Variants in PRPSAP2 observed in about 807,000 individuals in gnomAD.
PRPSAP2 encodes the protein phosphoribosyl pyrophosphate synthase-associated protein 2.
In PRPSAP2, 24 loss-of-function variants were observed where a neutral mutation model predicts 40.6. The observed-to-expected ratio is 0.59, with a 90% CI of 0.43 to 0.83. The LOEUF (loss-of-function observed/expected upper bound fraction) is 0.83, where lower values mean the gene tolerates loss of function less well. Ranked by LOEUF, PRPSAP2 falls within the 40% of genes least tolerant of loss-of-function variation. The pLI is 0.00. For missense variants in PRPSAP2, 292 were observed against 465.6 expected, an observed-to-expected ratio of 0.63 and a Z score of 3.43; for synonymous variants, 149 against 164.7, an observed-to-expected ratio of 0.90 and a Z score of 0.73.
intron 8 of PRPSAP2, among the ~76,000 whole-genome samples, chr17:18,899,560 C>T (rs892951070): frequency 8.8e-5 from 11 of 124,698 alleles, no homozygotes; most frequent in African/African-American, 1.8e-4. Flanking sequence ...CAGGGTCTCA[C>T]CTCTGTTGCC....
intron 8 of PRPSAP2, chr17:18,908,370 C>G: frequency 1.3e-6 from 1 of 772,122 alleles, no homozygotes. Flanking sequence ...GTTTCTCTTC[C>G]TGAGCAAGAA....
chr17:18,910,351 G>A (rs528314797), intron 8 of PRPSAP2, among the ~76,000 whole-genome samples: 1 of 152,264 alleles, frequency 6.6e-6, no homozygotes, highest in South Asian at 2.1e-4. Flanking sequence ...GAACCCGGGA[G>A]GCAGAGGTTG....
chr17:18,862,247 C>T (rs2151874988), intron 1 of PRPSAP2, among the ~76,000 whole-genome samples: 1 of 152,260 alleles, frequency 6.6e-6, no homozygotes, highest in Admixed American at 6.5e-5. Flanking sequence ...GGGCATCAGA[C>T]CCTGGGGCTG....
chr17:18,892,722 TGTGTG>T (rs1567709031), intron 8 of PRPSAP2, among the ~76,000 whole-genome samples: 4 of 99,732 alleles, frequency 4.0e-5, no homozygotes, highest in African/African-American at 1.2e-4. Context: ...TGTGTGTGTG[TGTGTG>T]TATTTATTTA....
intron 8 of PRPSAP2, among the ~76,000 whole-genome samples, chr17:18,892,745 A>ATTTTATTTTTTT (rs2039648930): frequency 8.0e-6 from 1 of 125,706 alleles, no homozygotes; most frequent in Non-Finnish European, 1.7e-5. Context: ...TTATTTATTT[A>ATTTTATTTTTTT]TTTTTTTGAG....
At chr17:18,873,079 C>T (rs950972074) in intron 5 of PRPSAP2, among the ~76,000 whole-genome samples, 5 of 151,758 alleles carry the variant, frequency 3.3e-5, no homozygotes, top group Non-Finnish European at 7.4e-5. Context: ...TGACCTCACG[C>T]AATCTGCCCG....
intron 9 of PRPSAP2, among the ~76,000 whole-genome samples, chr17:18,913,882 T>C (rs1427056909): frequency 1.3e-5 from 2 of 151,350 alleles, no homozygotes; most frequent in Non-Finnish European, 2.9e-5. Context: ...CCTTATCAAA[T>C]GTTTGCTTGG....
intron 7 of PRPSAP2, among the ~76,000 whole-genome samples, chr17:18,885,663 C>T (rs2039086070): frequency 6.6e-6 from 1 of 152,036 alleles, no homozygotes. Flanking sequence ...TCTCGGCTCA[C>T]AGCAACCTCC....
intron 8 of PRPSAP2, among the ~76,000 whole-genome samples, chr17:18,909,921 C>T (rs1242648005): frequency 1.3e-5 from 2 of 152,082 alleles, no homozygotes; most frequent in Non-Finnish European, 2.9e-5. Context: ...GGAAAGAAAG[C>T]ATGTGCCCAT....
At chr17:18,861,338 CCT>C (rs2036997235) in intron 1 of PRPSAP2, 1 of 152,200 alleles carries the variant, frequency 6.6e-6, no homozygotes, top group African/African-American at 2.4e-5. Flanking sequence ...GTGGCGCATG[CCT>C]GTAATCCCAG....
chr17:18,928,764 A>G (rs2042103715), intron 10 of PRPSAP2, 47 bp from the exon 11 acceptor site: 1 of 1,607,086 alleles, frequency 6.2e-7, no homozygotes, highest in Non-Finnish European at 8.5e-7. Context: ...CTAACCTATT[A>G]TTGTAGAAGT....
At chr17:18,916,688 G>C (rs1176841699) in intron 9 of PRPSAP2, among the ~76,000 whole-genome samples, 2 of 152,112 alleles carry the variant, frequency 1.3e-5, no homozygotes, top group Non-Finnish European at 2.9e-5. Flanking sequence ...GGCCAGACTG[G>C]GTAATTTATA....
At chr17:18,915,014 C>T (rs1421118089) in intron 9 of PRPSAP2, among the ~76,000 whole-genome samples, 6 of 147,928 alleles carry the variant, frequency 4.1e-5, no homozygotes, top group Non-Finnish European at 5.9e-5. Flanking sequence ...ACATGAACCA[C>T]TGCACCCGAC....
intron 3 of PRPSAP2, 175 bp from the exon 4 acceptor site, chr17:18,867,107 G>A (rs901106257): frequency 3.1e-6 from 2 of 645,210 alleles, no homozygotes; most frequent in African/African-American, 3.7e-5. Flanking sequence ...ACATGGGGTT[G>A]GGGTGAGGGG....
rs553128334 is a variant in PRPSAP2 at position 18,859,104 on chromosome 17, C to T, written c.-129+843C>T. On this transcript the variant is annotated intron_variant, in intron 1 of 11. Coordinates refer to ENST00000268835, the MANE Select transcript of PRPSAP2 (RefSeq NM_002767.4). ...TTTACTTAATTACTTTATTATGGAA[C>T]CTTTACACAGGTCTGGTGTACTTGT... is the stretch of plus-strand genomic sequence containing the variant. Among the ~76,000 whole-genome samples the T allele has an allele frequency of 2.0e-5, 3 of 152,092 alleles. No homozygotes were observed. The East Asian group carries it at 5.8e-4, about 29-fold the overall frequency.
chr17:18,873,191 CTT>C (rs34126027), intron 5 of PRPSAP2, among the ~76,000 whole-genome samples: 10 of 108,156 alleles, frequency 9.2e-5, no homozygotes, highest in East Asian at 2.7e-4. Flanking sequence ...AGTAGAGGCT[CTT>C]TTTTTTTTTT....
chr17:18,913,904 G>A (rs961879855), intron 9 of PRPSAP2, among the ~76,000 whole-genome samples: 2 of 151,532 alleles, frequency 1.3e-5, no homozygotes, highest in Admixed American at 6.6e-5. Flanking sequence ...GGCTGGGCGC[G>A]GCGGCTCACA....
chr17:18,892,741 A>ATTTTTTTTT (rs1252254393), intron 8 of PRPSAP2, among the ~76,000 whole-genome samples: 68 of 69,666 alleles, frequency 9.8e-4, no homozygotes, highest in African/African-American at 2.2e-3. Flanking sequence ...TTATTTATTT[A>ATTTTTTTTT]TTTATTTTTT....
intron 8 of PRPSAP2, among the ~76,000 whole-genome samples, chr17:18,895,185 TG>T (rs1427646209): frequency 6.6e-6 from 1 of 151,604 alleles, no homozygotes; most frequent in Non-Finnish European, 1.5e-5. Context: ...TTTGGGCTCA[TG>T]GCAATCCTTT....
Sources: gnomAD v4.1 joint callset for allele counts (sites outside exome capture counted in the v4.1 genomes callset) on GRCh38, gnomAD v4.1.1 for gene constraint, MANE v1.5 for transcripts, NCBI Gene and HGNC (gene_info 2026-07-23, HGNC 2026-07-21) for gene names.